The following TRDN variants were observed in gnomAD, a reference collection of about 807,000 sequenced individuals.
TRDN encodes the protein triadin.
TRDN carries 161 observed loss-of-function variants against 149.7 expected under a neutral mutation model. The ratio of observed to expected loss-of-function variants is 1.08; its 90% CI spans 0.95 to 1.23. TRDN has a LOEUF of 1.23. Among genes scored for constraint, TRDN ranks in the 50% most tolerant of loss-of-function variants. TRDN has a pLI of 0.00. For synonymous variants in TRDN, 294 were observed against 250.5 expected, an observed-to-expected ratio of 1.17 and a Z score of -1.64; for missense variants, 896 against 823.5, an observed-to-expected ratio of 1.09 and a Z score of -1.08.
At chr6:123,511,226 G>GAGAC (rs1218995970) in intron 7 of TRDN, among the ~76,000 whole-genome samples, 1 of 152,090 alleles carries the variant, frequency 6.6e-6, no homozygotes, top group Non-Finnish European at 1.5e-5. Flanking sequence ...ATTTATTGAA[G>GAGAC]AGACTGTCCT....
chr6:123,335,337 G>C (rs1438318683), intron 22 of TRDN, among the ~76,000 whole-genome samples: 1 of 151,726 alleles, frequency 6.6e-6, no homozygotes. Flanking sequence ...TGAAATTCTA[G>C]AGAAAATAGT....
At chr6:123,350,260 A>G (rs1405995725) in intron 21 of TRDN, 1 of 961,832 alleles carries the variant, frequency 1.0e-6, no homozygotes, top group Non-Finnish European at 1.2e-6. Flanking sequence ...TTATTCTGTA[A>G]TAAAACTTTC....
At chr6:123,458,639 A>G (rs1466362363) in intron 10 of TRDN, among the ~76,000 whole-genome samples, 2 of 152,186 alleles carry the variant, frequency 1.3e-5, no homozygotes, top group Non-Finnish European at 2.9e-5. Flanking sequence ...ATAGAGAGAT[A>G]GATGTCTCCT....
chr6:123,508,592 C>T (rs1167951202), intron 7 of TRDN, among the ~76,000 whole-genome samples: 3 of 152,114 alleles, frequency 2.0e-5, no homozygotes, highest in Non-Finnish European at 4.4e-5. Context: ...TTTTCTTCTA[C>T]CTTGTCTCTG....
At chr6:123,606,438 GATGGACAT>G (rs1368791077) in intron 1 of TRDN, among the ~76,000 whole-genome samples, 1 of 151,880 alleles carries the variant, frequency 6.6e-6, no homozygotes, top group African/African-American at 2.4e-5. Flanking sequence ...GTATGTGTGT[GATGGACAT>G]ATGAATATGT....
At chr6:123,252,746 G>A (rs577732058) in intron 37 of TRDN, among the ~76,000 whole-genome samples, 33 of 152,064 alleles carry the variant, frequency 2.2e-4, no homozygotes, top group East Asian at 1.7e-3. Context: ...TCTGCCTCCC[G>A]AGTAGCTGGT....
At chr6:123,603,529 A>G (rs2114656506) in intron 1 of TRDN, among the ~76,000 whole-genome samples, 1 of 152,240 alleles carries the variant, frequency 6.6e-6, no homozygotes, top group African/African-American at 2.4e-5. Context: ...TTATTCAATT[A>G]TCCCTCCAAC....
intron 24 of TRDN, among the ~76,000 whole-genome samples, chr6:123,298,753 G>T (rs1778299775): frequency 6.6e-6 from 1 of 151,972 alleles, no homozygotes; most frequent in African/African-American, 2.4e-5. Flanking sequence ...TAAAATATTG[G>T]GGAGGGAGTT....
At position 123,574,857 on chromosome 6, in the gene TRDN, CATATATATATATATATAT is replaced by C. The variant is rs1162190609; in HGVS notation, c.23-3743_23-3726del. On this transcript the variant is annotated intron_variant, in intron 1 of 40. Coordinates refer to ENST00000334268, the MANE Select transcript of TRDN (RefSeq NM_006073.4). ...AAAACAGAACATGAATTTATATATA[CATATATATATATATATAT>C]ATATATATATATATATATACACACA... 1.8e-3 allele frequency among the ~76,000 whole-genome samples: 93 copies of C among 50,558 alleles called. 3 individuals carry two copies. Among genetic ancestry groups the C allele is most frequent in the Non-Finnish European group, 2.9e-3 (79 of 27,350 alleles). The allele number at this position is 50,558 out of a possible 152,430, so 33.2% of individuals were successfully genotyped here. A position where few individuals can be genotyped will look rare whatever the true frequency, so the allele number is the denominator to read the frequency against.
At chr6:123,409,328 TCA>T (rs1773336156) in intron 12 of TRDN, among the ~76,000 whole-genome samples, 1 of 152,196 alleles carries the variant, frequency 6.6e-6, no homozygotes, top group Non-Finnish European at 1.5e-5. Context: ...AACACAGCTT[TCA>T]CAGATTCTCA....
At chr6:123,511,538 T>C (rs970932098) in intron 7 of TRDN, among the ~76,000 whole-genome samples, 13 of 152,208 alleles carry the variant, frequency 8.5e-5, no homozygotes, top group Non-Finnish European at 1.5e-4. Context: ...AAAATCAAAT[T>C]CAAGGTATAA....
In TRDN at chr6:123,218,517, A is replaced by C. The variant is rs1213581696; in HGVS notation, c.*84T>G. 6 of 1,469,318 alleles carry C rather than the reference A, an allele frequency of 4.1e-6. No individual in the cohort carries two copies. The highest frequency in any genetic ancestry group is 5.5e-6 in the Non-Finnish European group (6 of 1,093,668). The allele number at this position is 1,469,318 out of a possible 1,614,324, so 91.0% of individuals were successfully genotyped here. ...TTTTCACAGAAATTCTCTGGGTTGC[A>C]TATTCTTAATTGCCTGAACTACTGT... On this transcript the variant is annotated 3_prime_UTR_variant, in exon 41 of 41. Coordinates refer to ENST00000334268, the MANE Select transcript of TRDN (RefSeq NM_006073.4).
At chr6:123,521,569 C>G (rs1779683291) in intron 5 of TRDN, among the ~76,000 whole-genome samples, 1 of 152,076 alleles carries the variant, frequency 6.6e-6, no homozygotes, top group South Asian at 2.1e-4. Flanking sequence ...AAAAACTCAT[C>G]CTGTGGAAAC....
intron 2 of TRDN, among the ~76,000 whole-genome samples, chr6:123,565,670 G>T (rs1459612343): frequency 6.6e-6 from 1 of 152,206 alleles, no homozygotes; most frequent in African/African-American, 2.4e-5. Flanking sequence ...TGTAGGGCAG[G>T]TGCTTTTGCA....
intron 33 of TRDN, among the ~76,000 whole-genome samples, chr6:123,264,533 A>G (rs1776873895): frequency 1.3e-5 from 2 of 152,230 alleles, no homozygotes; most frequent in South Asian, 4.1e-4. Context: ...TCAAAATCAC[A>G]ACAAAGGATT....
At chr6:123,533,286 T>A (rs1780341220) in intron 4 of TRDN, among the ~76,000 whole-genome samples, 4 of 152,078 alleles carry the variant, frequency 2.6e-5, no homozygotes, top group Admixed American at 2.6e-4. Context: ...TATATACATG[T>A]ATGTCTTCCA....
At position 123,452,731 on chromosome 6, in the gene TRDN, C is replaced by T. The variant is rs142677131; in HGVS notation, c.931+12175G>A. Among the ~76,000 whole-genome samples, 763 of 152,170 alleles carry T rather than the reference C, an allele frequency of 5.0e-3. 5 individuals carry two copies. The highest frequency in any genetic ancestry group is 7.4e-3 in the Non-Finnish European group (500 of 67,962). On this transcript the variant is annotated intron_variant, in intron 10 of 40. Transcript: ENST00000334268. Reference sequence around the variant, plus strand: ...CCAACAAAATACCACCGTAATTCTTCGCAGAGTTAGAAAAAACAATTCTAA... The same window carrying T: ...CCAACAAAATACCACCGTAATTCTTTGCAGAGTTAGAAAAAACAATTCTAA...
At chr6:123,319,909 T>C (rs1779179549) in intron 23 of TRDN, among the ~76,000 whole-genome samples, 1 of 152,076 alleles carries the variant, frequency 6.6e-6, no homozygotes, top group Non-Finnish European at 1.5e-5. Flanking sequence ...ATGTCATCAA[T>C]AGTGTTTTCA....
At chr6:123,330,997 A>T (rs1386456184) in intron 23 of TRDN, among the ~76,000 whole-genome samples, 1 of 152,060 alleles carries the variant, frequency 6.6e-6, no homozygotes, top group Non-Finnish European at 1.5e-5. Flanking sequence ...TTTTACAGGG[A>T]AACAGGCTCT....
Sources: gnomAD v4.1 joint callset for allele counts (sites outside exome capture counted in the v4.1 genomes callset) on GRCh38, gnomAD v4.1.1 for gene constraint, MANE v1.5 for transcripts, NCBI Gene and HGNC (gene_info 2026-07-23, HGNC 2026-07-21) for gene names.